The following CAMKK1 variants were observed in gnomAD, a reference collection of about 807,000 sequenced individuals.
The protein encoded by CAMKK1 is calcium/calmodulin-dependent protein kinase kinase 1.
CAMKK1 carries 20 observed loss-of-function variants against 63.5 expected under a neutral mutation model. The ratio of observed to expected loss-of-function variants is 0.32; its 90% CI spans 0.22 to 0.46. The LOEUF is 0.46. CAMKK1 is among the 20% of genes least tolerant of loss of function. The probability of loss-of-function intolerance (pLI) is 1.00; values close to 1 mark genes in which losing one functional copy is unlikely to be tolerated. For missense variants in CAMKK1, 588 were observed against 658.1 expected (o/e 0.89, Z 1.17); for synonymous variants, 253 against 269.0 (o/e 0.94, Z 0.58).
intron 1 of CAMKK1, 62 bp from the exon 2 acceptor site, chr17:3,885,792 A>G: frequency 6.5e-7 from 1 of 1,527,880 alleles, no homozygotes; most frequent in Non-Finnish European, 8.8e-7. Flanking sequence ...CAGGTAAGGT[A>G]GCCACAGCGC....
At chr17:3,877,001 AC>A (rs1380830620) in intron 9 of CAMKK1, among the ~76,000 whole-genome samples, 2 of 151,886 alleles carry the variant, frequency 1.3e-5, no homozygotes, top group African/African-American at 4.8e-5. Flanking sequence ...CAGGTGATCC[AC>A]CCACCTTGGC....
intron 1 of CAMKK1, among the ~76,000 whole-genome samples, chr17:3,891,345 T>C (rs778252282): frequency 6.6e-6 from 1 of 151,900 alleles, no homozygotes. Flanking sequence ...GTGGTACATA[T>C]AGGAAGAAAA....
chr17:3,884,023 G>C lies in CAMKK1; in HGVS notation c.409-86C>G, dbSNP rs1490880574. ...GGAGGTGGGGAGCCGAGCAGCTCTG[G>C]TCTCTCCTGCACCCCATCTGCACTA... On this transcript the variant is annotated intron_variant, in intron 3 of 15. Coordinates refer to ENST00000348335, the MANE Select transcript of CAMKK1 (RefSeq NM_032294.3). The surrounding 1 kb of genome is among the most constrained non-coding windows in gnomAD (Gnocchi z 4.5). 12 of 1,322,682 alleles carry C rather than the reference G, an allele frequency of 9.1e-6. No homozygotes were observed. Among genetic ancestry groups the C allele is most frequent in the Non-Finnish European group, 1.2e-5 (11 of 928,992 alleles). The allele number at this position is 1,322,682 out of a possible 1,614,324, so 81.9% of individuals were successfully genotyped here.
chr17:3,893,036 G>T lies in CAMKK1; in HGVS notation c.-141C>A, dbSNP rs1214040086. ...CCCGCCCCGCCCCACCGCCTCGCTG[G>T]GGCCCAGATCGCCGAGCTCAGCCCG... is the stretch of plus-strand genomic sequence containing the variant. On this transcript the variant is annotated 5_prime_UTR_variant, in exon 1 of 16. Coordinates refer to ENST00000348335, the MANE Select transcript of CAMKK1 (RefSeq NM_032294.3). The surrounding 1 kb of genome is among the most constrained non-coding windows in gnomAD (Gnocchi z 4.6). 1 of 137,466 alleles carries T rather than the reference G, an allele frequency of 7.3e-6. No homozygotes were observed. Among genetic ancestry groups the T allele is most frequent in the African/African-American group, 2.6e-5 (1 of 38,490 alleles). 8.5% of individuals were successfully genotyped at this position (137,466 alleles called of 1,614,324 possible).
intron 14 of CAMKK1, 54 bp downstream of exon 14, chr17:3,869,433 C>A (rs1278435981): frequency 1.9e-6 from 3 of 1,608,866 alleles, no homozygotes; most frequent in African/African-American, 1.3e-5. Context: ...CAGAGCAAGG[C>A]TCAGGTCCCC....
chr17:3,883,774 C>A lies in CAMKK1; in HGVS notation c.462+110G>T. ...TTTGCATACCCCTAGGGACAGGGAG[C>A]TCACTCTCAGGCAGCCCTGTCCTCT... On this transcript the variant is annotated intron_variant, in intron 4 of 15. Coordinates refer to ENST00000348335, the MANE Select transcript of CAMKK1 (RefSeq NM_032294.3). This position sits in a 1 kb window ranked among gnomAD's most constrained non-coding sequence, Gnocchi z 4.7. 1.9e-6 allele frequency: 2 copies of A among 1,049,970 alleles called. No individual in the cohort carries two copies. The highest frequency in any genetic ancestry group is 3.0e-6 in the Non-Finnish European group (2 of 677,586). The allele number at this position is 1,049,970 out of a possible 1,614,324, so 65.0% of individuals were successfully genotyped here. A position where few individuals can be genotyped will look rare whatever the true frequency, so the allele number is the denominator to read the frequency against.
In CAMKK1 at chr17:3,865,902, A is replaced by T; in HGVS notation, c.1445+6T>A. The stretch of plus-strand genomic sequence containing the variant: ...GCCCGGCAGTCCCTGGCCCACCAGT[A>T]CTTACACCAGTAGGTTTCCTGGAGC... On this transcript the variant is annotated splice_donor_region_variant and intron_variant, in intron 15 of 15. Coordinates refer to ENST00000348335, the MANE Select transcript of CAMKK1 (RefSeq NM_032294.3). 6.2e-7 allele frequency: 1 copy of T among 1,614,106 alleles called. No individual in the cohort carries two copies. Among genetic ancestry groups the T allele is most frequent in the Non-Finnish European group, 8.5e-7 (1 of 1,180,010 alleles).
At chr17:3,877,237 T>G (rs562112392) in intron 9 of CAMKK1, among the ~76,000 whole-genome samples, 21 of 152,284 alleles carry the variant, frequency 1.4e-4, no homozygotes, top group African/African-American at 5.1e-4. Context: ...AGGTACCATC[T>G]CAGCCCTCGG....
At position 3,873,499 on chromosome 17, in the gene CAMKK1, C is replaced by A. The variant is rs1254630410; in HGVS notation, c.997-37G>T. On this transcript the variant is annotated intron_variant, in intron 10 of 15. Coordinates refer to ENST00000348335, the MANE Select transcript of CAMKK1 (RefSeq NM_032294.3). ...CATGCTCACATCAGTCCCCAACAGG[C>A]ACAGCCACCTCTGCCCACCCAGCTC... 1.9e-6 allele frequency: 3 copies of A among 1,609,494 alleles called. 1 individual carries two copies. The South Asian group carries it at 3.3e-5, about 18-fold the overall frequency.
chr17:3,862,091 G>C lies in CAMKK1; in HGVS notation c.*120C>G. 3 of 726,134 alleles carry C rather than the reference G, an allele frequency of 4.1e-6. No individual in the cohort carries two copies. In the South Asian group the frequency reaches 4.9e-5, roughly 12 times the overall value. 45.0% of individuals were successfully genotyped at this position (726,134 alleles called of 1,614,324 possible). A position where few individuals can be genotyped will look rare whatever the true frequency, so the allele number is the denominator to read the frequency against. ...GGTCATGCAGCACGATGGGGGAGGG[G>C]CGGGAGTGGGGCTGCAGTCCCCAGC... On this transcript the variant is annotated 3_prime_UTR_variant, in exon 16 of 16. Coordinates refer to ENST00000348335, the MANE Select transcript of CAMKK1 (RefSeq NM_032294.3). The surrounding 1 kb of genome is among the most constrained non-coding windows in gnomAD (Gnocchi z 4.1).
rs907580409 is a variant in CAMKK1 at position 3,887,035 on chromosome 17, G to A, written c.-43-1305C>T. ...AGACCCAGAGTACGCATGGTGAAGC[G>A]CCTGCTCTACCGCTCGTTCCCCATC... On this transcript the variant is annotated intron_variant, in intron 1 of 15. Transcript: ENST00000348335. This position sits in a 1 kb window ranked among gnomAD's most constrained non-coding sequence, Gnocchi z 6.1. Among the ~76,000 whole-genome samples the A allele has an allele frequency of 6.6e-6, 1 of 152,126 alleles. No homozygotes were observed. Among genetic ancestry groups the A allele is most frequent in the Non-Finnish European group, 1.5e-5 (1 of 68,020 alleles).
Position 3,883,556 on chromosome 17 carries a change from G to A in CAMKK1, c.463-76C>T, listed in dbSNP as rs988951245. ...GAACAGGCTGGTACATGTGGACTGA[G>A]GTCCGGAGAGGCACACTGGACATCT... On this transcript the variant is annotated intron_variant, in intron 4 of 15. Coordinates refer to ENST00000348335, the MANE Select transcript of CAMKK1 (RefSeq NM_032294.3). The surrounding 1 kb of genome is among the most constrained non-coding windows in gnomAD (Gnocchi z 4.7). The A allele has an allele frequency of 1.6e-5, 19 of 1,151,900 alleles. No individual in the cohort carries two copies. Among genetic ancestry groups the A allele is most frequent in the Non-Finnish European group, 2.4e-5 (18 of 759,070 alleles). 71.4% of individuals were successfully genotyped at this position (1,151,900 alleles called of 1,614,324 possible). A position where few individuals can be genotyped will look rare whatever the true frequency, so the allele number is the denominator to read the frequency against.
In CAMKK1 at chr17:3,860,529, C is replaced by G. The variant is rs1419697868; in HGVS notation, c.*1682G>C. The G allele has an allele frequency of 6.6e-6, 1 of 152,624 alleles. No homozygotes were observed. The highest frequency in any genetic ancestry group is 2.4e-5 in the African/African-American group (1 of 41,440). The allele number at this position is 152,624 out of a possible 1,614,324, so 9.5% of individuals were successfully genotyped here. On this transcript the variant is annotated 3_prime_UTR_variant, in exon 16 of 16. Transcript: ENST00000348335. The stretch of plus-strand genomic sequence containing the variant: ...GGTGGGTCCGATCAAAGTGGTCCCC[C>G]CAGACCAGATGCTCAAGAAACACTT...
chr17:3,873,149 G>A (rs1021969933), intron 11 of CAMKK1, among the ~76,000 whole-genome samples: 6 of 152,222 alleles, frequency 3.9e-5, no homozygotes, highest in Admixed American at 6.5e-5. Flanking sequence ...ACAGAGGGAC[G>A]GGGAGCACTC....
chr17:3,876,910 A>G (rs1161638120), intron 9 of CAMKK1, among the ~76,000 whole-genome samples: 1 of 151,974 alleles, frequency 6.6e-6, no homozygotes, highest in Non-Finnish European at 1.5e-5. Context: ...GGTGTCTGCC[A>G]CCACGCCCGG....
rs75655951 is a variant in CAMKK1 at position 3,874,079 on chromosome 17, G to C, written c.997-617C>G. ...TTTCTCGCTTATATGAGTGATTCTC[G>C]ATCTCTACCTACATATTCCTGCCCC... On this transcript the variant is annotated intron_variant, in intron 10 of 15. Transcript: ENST00000348335. 8.1e-3 allele frequency among the ~76,000 whole-genome samples: 1,233 copies of C among 152,240 alleles called. 11 individuals carry two copies. The highest frequency in any genetic ancestry group is 0.038 in the East Asian group (199 of 5,180).
At chr17:3,880,892 A>G (rs1378790767) in intron 8 of CAMKK1, among the ~76,000 whole-genome samples, 1 of 152,232 alleles carries the variant, frequency 6.6e-6, no homozygotes. Context: ...ATGGATAGCA[A>G]TAGAAATATA....
intron 1 of CAMKK1, 72 bp from the exon 2 acceptor site, chr17:3,885,802 C>G (rs1282245914): frequency 6.8e-7 from 1 of 1,464,606 alleles, no homozygotes; most frequent in African/African-American, 1.4e-5. Context: ...AGCCACAGCG[C>G]TGTGGGTCCC....
intron 15 of CAMKK1, chr17:3,865,335 C>G: frequency 4.1e-6 from 4 of 987,510 alleles, no homozygotes; most frequent in Non-Finnish European, 4.8e-6. Flanking sequence ...CACCGGCCAG[C>G]CTGTCCCTGC....
Sources: gnomAD v4.1 joint callset for allele counts (sites outside exome capture counted in the v4.1 genomes callset) on GRCh38, gnomAD v4.1.1 for gene constraint, Gnocchi (gnomAD v3.1) non-coding constraint, MANE v1.5 for transcripts, NCBI Gene and HGNC (gene_info 2026-07-23, HGNC 2026-07-21) for gene names.